Variants in ANO10 observed in about 807,000 individuals in gnomAD.
The protein encoded by ANO10 is anoctamin 10.
ANO10 carries 77 observed loss-of-function variants against 74.7 expected under a neutral mutation model. That is an observed-to-expected ratio of 1.03 (90% confidence interval 0.86 to 1.25). ANO10 has a LOEUF of 1.25. ANO10 is among the 50% of genes most tolerant of loss of function. The pLI is 0.00. For missense variants in ANO10, 721 were observed against 778.1 expected (o/e 0.93, Z 0.87); for synonymous variants, 279 against 284.9 (o/e 0.98, Z 0.21).
At chr3:43,593,252 C>G (rs2081895353) in intron 4 of ANO10, among the ~76,000 whole-genome samples, 1 of 152,138 alleles carries the variant, frequency 6.6e-6, no homozygotes, top group African/African-American at 2.4e-5. Flanking sequence ...ACAGGAAATA[C>G]AGAGAACGCC....
At chr3:43,497,889 A>G (rs2076971134) in intron 11 of ANO10, among the ~76,000 whole-genome samples, 2 of 152,242 alleles carry the variant, frequency 1.3e-5, no homozygotes, top group Non-Finnish European at 2.9e-5. Flanking sequence ...AAAAGCCAGT[A>G]CAAATTGAGC....
chr3:43,612,393 A>G (rs1365758167), intron 1 of ANO10, among the ~76,000 whole-genome samples: 1 of 151,900 alleles, frequency 6.6e-6, no homozygotes, highest in Non-Finnish European at 1.5e-5. Context: ...AACTAAACAT[A>G]CACTTCTCCC....
At position 43,555,378 on chromosome 3, in the gene ANO10, A is replaced by G; in HGVS notation, c.1568T>C (p.Val523Ala). 1 of 1,614,226 alleles carries G rather than the reference A, an allele frequency of 6.2e-7. No individual in the cohort carries two copies. The highest frequency in any genetic ancestry group is 8.5e-7 in the Non-Finnish European group (1 of 1,180,038). The change falls in exon 10 of 13, where the codon GTG becomes GCG. Residue 523 changes from valine to alanine, a missense_variant. Physicochemically the swap from Val to Ala is moderately conservative, Grantham distance 64 (BLOSUM62 0). Coordinates refer to ENST00000292246, the MANE Select transcript of ANO10 (RefSeq NM_018075.5). ...ATTTACTTCAGTGAAGTTATTTAAC[A>G]CAGCAAAGGCAGCTGCTAATGGGTA... ...CVYPLAAAFA[V>A]LNNFTEVNSD...
At chr3:43,606,756 T>C (rs1030835029) in intron 1 of ANO10, among the ~76,000 whole-genome samples, 2 of 152,068 alleles carry the variant, frequency 1.3e-5, no homozygotes, top group African/African-American at 4.8e-5. Context: ...GAACCACTAC[T>C]ATACATTTCC....
chr3:43,481,246 A>G (rs2076258385), intron 11 of ANO10, among the ~76,000 whole-genome samples: 1 of 152,164 alleles, frequency 6.6e-6, no homozygotes, highest in Non-Finnish European at 1.5e-5. Flanking sequence ...GGAATATTTG[A>G]CCTTTAAAAT....
chr3:43,690,933 G>C, intron 1 of ANO10: 5 of 1,526,150 alleles, frequency 3.3e-6, no homozygotes, highest in Admixed American at 2.0e-5. Flanking sequence ...AGCCCGGGGC[G>C]GCCCAGTCGG....
rs979309348 is a variant in ANO10 at position 43,614,313 on chromosome 3, T to C, written c.-12+7596A>G. ...AACTCATATATTATTTGCTCACTGA[T>C]TATTCTCATTTGAGATACTTTATGC... On this transcript the variant is annotated intron_variant, in intron 1 of 12. Transcript: ENST00000292246. 5.9e-5 allele frequency among the ~76,000 whole-genome samples: 9 copies of C among 152,342 alleles called. No homozygotes were observed. The East Asian group carries it at 7.7e-4, about 13-fold the overall frequency.
At chr3:43,561,471 A>G (rs2080034533) in intron 8 of ANO10, 69 bp from the exon 9 acceptor site, 1 of 1,347,752 alleles carries the variant, frequency 7.4e-7, no homozygotes, top group South Asian at 1.3e-5. Flanking sequence ...TGTATAAATT[A>G]TATATAAATT....
chr3:43,657,683 G>T (rs2083873152), intron 1 of ANO10, among the ~76,000 whole-genome samples: 1 of 152,178 alleles, frequency 6.6e-6, no homozygotes, highest in East Asian at 1.9e-4. Context: ...TGTCTTTCTA[G>T]GCCCCAGGAT....
chr3:43,491,051 A>AG (rs1419171712), intron 11 of ANO10, among the ~76,000 whole-genome samples: 2 of 152,172 alleles, frequency 1.3e-5, no homozygotes, highest in Non-Finnish European at 2.9e-5. Flanking sequence ...ATGACCTTCC[A>AG]GGGACATTTG....
chr3:43,394,215 G>A (rs1294359673), intron 12 of ANO10, among the ~76,000 whole-genome samples: 1 of 151,960 alleles, frequency 6.6e-6, no homozygotes, highest in African/African-American at 2.4e-5. Context: ...GTCCCCCTCT[G>A]GTCCCTACCC....
chr3:43,559,643 G>A (rs2079930405), intron 9 of ANO10, among the ~76,000 whole-genome samples: 1 of 151,920 alleles, frequency 6.6e-6, no homozygotes, highest in African/African-American at 2.4e-5. Context: ...GATGAGGGGG[G>A]ATGGAATGAG....
intron 11 of ANO10, among the ~76,000 whole-genome samples, chr3:43,467,351 C>T (rs2149044206): frequency 6.6e-6 from 1 of 152,216 alleles, no homozygotes; most frequent in East Asian, 1.9e-4. Flanking sequence ...CCCAAATGTT[C>T]ATTAATGGGT....
intron 5 of ANO10, among the ~76,000 whole-genome samples, chr3:43,579,097 A>C (rs2081149686): frequency 6.6e-6 from 1 of 152,190 alleles, no homozygotes; most frequent in Non-Finnish European, 1.5e-5. Context: ...CTTTAAAGAA[A>C]AAAAAATGAT....
intron 11 of ANO10, among the ~76,000 whole-genome samples, chr3:43,499,756 A>AT (rs981386071): frequency 2.0e-4 from 30 of 151,576 alleles, no homozygotes; most frequent in African/African-American, 3.6e-4. Flanking sequence ...CTTTAGATAG[A>AT]TTTTTTTTTA....
chr3:43,585,263 TAAA>T (rs1249116593), intron 4 of ANO10, among the ~76,000 whole-genome samples: 3 of 152,064 alleles, frequency 2.0e-5, no homozygotes, highest in African/African-American at 7.2e-5. Context: ...TCAAATAGTA[TAAA>T]AATCTTTCCA....
chr3:43,496,243 A>G (rs1475704456), intron 11 of ANO10, among the ~76,000 whole-genome samples: 2 of 152,208 alleles, frequency 1.3e-5, no homozygotes, highest in Non-Finnish European at 2.9e-5. Context: ...GCCTACTGAC[A>G]GGAGAAAAGC....
chr3:43,463,454 T>G (rs1427693090), intron 11 of ANO10, among the ~76,000 whole-genome samples: 1 of 152,212 alleles, frequency 6.6e-6, no homozygotes, highest in East Asian at 1.9e-4. Flanking sequence ...AAAAGTGTAC[T>G]TATGCTCAAT....
chr3:43,604,042 G>T (rs1365386197), intron 2 of ANO10, among the ~76,000 whole-genome samples: 1 of 152,030 alleles, frequency 6.6e-6, no homozygotes, highest in African/African-American at 2.4e-5. Flanking sequence ...CAAGTCTTCT[G>T]CTGGGGTTGT....
Sources: allele counts gnomAD v4.1 joint callset (sites outside exome capture counted in the v4.1 genomes callset), GRCh38; gene constraint gnomAD v4.1.1; transcripts MANE v1.5; gene names NCBI Gene and HGNC (gene_info 2026-07-23, HGNC 2026-07-21).